Variants in CAPZB observed in about 807,000 individuals in gnomAD.
The protein encoded by CAPZB is F-actin-capping protein subunit beta.
A neutral mutation model predicts 38.1 loss-of-function variants in CAPZB; 2 were observed. The observed-to-expected ratio is 0.05, with a 90% confidence interval of 0.02 to 0.17. CAPZB has a LOEUF of 0.17. CAPZB is among the 10% of genes least tolerant of loss of function. CAPZB has a pLI of 1.00. For missense variants in CAPZB, 161 were observed against 334.2 expected (o/e 0.48, Z 4.04); for synonymous variants, 107 against 127.4 (o/e 0.84, Z 1.08).
chr1:19,412,467 C>A (rs1359618202), intron 2 of CAPZB, among the ~76,000 whole-genome samples: 2 of 152,020 alleles, frequency 1.3e-5, no homozygotes, highest in African/African-American at 4.8e-5. Flanking sequence ...TTTTTTCTTA[C>A]GAGATGGGGT....
intron 4 of CAPZB, among the ~76,000 whole-genome samples, chr1:19,361,178 A>C (rs1250353914): frequency 6.6e-6 from 1 of 152,182 alleles, no homozygotes; most frequent in Non-Finnish European, 1.5e-5. Flanking sequence ...TTTACCATCA[A>C]TCTGACTTTT....
intron 8 of CAPZB, chr1:19,342,689 G>T: frequency 1.0e-6 from 1 of 992,642 alleles, no homozygotes; most frequent in Non-Finnish European, 1.6e-6. Flanking sequence ...GACCGGCAGG[G>T]TCTCGGCGGG....
intron 1 of CAPZB, 161 bp from the exon 2 acceptor site, chr1:19,419,911 C>T (rs1325946886): frequency 1.0e-5 from 6 of 583,678 alleles, no homozygotes; most frequent in Admixed American, 6.1e-5. Context: ...GAGCGGGGGG[C>T]GACTGTGCAG....
At chr1:19,351,941 C>T (rs546619968) in intron 6 of CAPZB, among the ~76,000 whole-genome samples, 1 of 152,352 alleles carries the variant, frequency 6.6e-6, no homozygotes, top group Non-Finnish European at 1.5e-5. Context: ...CAGCCAGGCA[C>T]TGGTCACTCC....
At chr1:19,363,411 CTAATGTGTCAG>C (rs1414287821) in intron 4 of CAPZB, among the ~76,000 whole-genome samples, 1 of 152,010 alleles carries the variant, frequency 6.6e-6, no homozygotes. Context: ...AGCTAAAAGC[CTAATGTGTCAG>C]TAATTCTCTT....
intron 8 of CAPZB, among the ~76,000 whole-genome samples, chr1:19,340,403 C>T (rs959414021): frequency 1.3e-5 from 2 of 152,232 alleles, no homozygotes; most frequent in African/African-American, 2.4e-5. Flanking sequence ...TCAGGGCGAC[C>T]GCATTCACGT....
chr1:19,379,398 C>A (rs1444749627), intron 3 of CAPZB, among the ~76,000 whole-genome samples: 1 of 152,186 alleles, frequency 6.6e-6, no homozygotes, highest in African/African-American at 2.4e-5. Context: ...CGCGCCTGGC[C>A]ATGTGTTCAC....
At chr1:19,451,376 T>C (rs544118770) in intron 1 of CAPZB, among the ~76,000 whole-genome samples, 8 of 152,266 alleles carry the variant, frequency 5.3e-5, no homozygotes, top group African/African-American at 1.9e-4. Flanking sequence ...ACAGATGGCA[T>C]GCAAAAGGCC....
At chr1:19,449,151 G>A (rs2094506179) in intron 1 of CAPZB, 1 of 1,353,660 alleles carries the variant, frequency 7.4e-7, no homozygotes, top group Non-Finnish European at 9.5e-7. Context: ...GTCTCTGTAA[G>A]GCTGATAACG....
chr1:19,409,036 G>C (rs192392406), intron 2 of CAPZB, among the ~76,000 whole-genome samples: 4 of 152,274 alleles, frequency 2.6e-5, no homozygotes, highest in African/African-American at 9.6e-5. Flanking sequence ...GTCAAAAAAG[G>C]GTGTAGAATC....
At chr1:19,442,879 CAA>C (rs1191800323) in intron 1 of CAPZB, among the ~76,000 whole-genome samples, 1 of 152,136 alleles carries the variant, frequency 6.6e-6, no homozygotes, top group Non-Finnish European at 1.5e-5. Flanking sequence ...CCACGTTACA[CAA>C]ATACACCTCC....
intron 4 of CAPZB, among the ~76,000 whole-genome samples, chr1:19,367,773 C>T (rs1188749333): frequency 1.3e-5 from 2 of 152,190 alleles, no homozygotes; most frequent in African/African-American, 2.4e-5. Context: ...GTGGCTGCCG[C>T]GCTTTAGTGT....
At chr1:19,368,795 C>T (rs986939532) in intron 4 of CAPZB, among the ~76,000 whole-genome samples, 1 of 151,938 alleles carries the variant, frequency 6.6e-6, no homozygotes, top group Admixed American at 6.6e-5. Context: ...AGCCCCCAGA[C>T]ACTGAGATTA....
chr1:19,386,999 G>T (rs974922270), intron 2 of CAPZB, among the ~76,000 whole-genome samples: 15 of 152,106 alleles, frequency 9.9e-5, no homozygotes, highest in Non-Finnish European at 1.8e-4. Flanking sequence ...AATAAAAATG[G>T]GGGCTACTTT....
intron 1 of CAPZB, among the ~76,000 whole-genome samples, chr1:19,439,089 A>G (rs2094467514): frequency 6.6e-6 from 1 of 152,246 alleles, no homozygotes; most frequent in Non-Finnish European, 1.5e-5. Context: ...GGTATGAAGC[A>G]TGGTGGCACA....
chr1:19,360,355 G>A (rs145699026), intron 4 of CAPZB, among the ~76,000 whole-genome samples: 111 of 152,316 alleles, frequency 7.3e-4, no homozygotes, highest in Middle Eastern at 3.4e-3. Context: ...ACCCTACTTT[G>A]CTGGCAAAAA....
chr1:19,403,939 T>TA (rs2094316481), intron 2 of CAPZB, among the ~76,000 whole-genome samples: 2 of 152,072 alleles, frequency 1.3e-5, no homozygotes, highest in Non-Finnish European at 2.9e-5. Flanking sequence ...ATGCCCTACT[T>TA]AACGCCTGCA....
intron 3 of CAPZB, among the ~76,000 whole-genome samples, chr1:19,384,369 G>C (rs1293444053): frequency 6.6e-6 from 1 of 152,138 alleles, no homozygotes; most frequent in Non-Finnish European, 1.5e-5. Flanking sequence ...TCATCCTCCA[G>C]TTCCCACTTG....
At chr1:19,346,422 TTAAAA>T (rs1267394765) in intron 6 of CAPZB, among the ~76,000 whole-genome samples, 32 of 129,710 alleles carry the variant, frequency 2.5e-4, no homozygotes, top group African/African-American at 8.4e-4. Context: ...TGAAGCTTTA[TTAAAA>T]TAAAATAAAA....
Sources: allele counts gnomAD v4.1 joint callset (sites outside exome capture counted in the v4.1 genomes callset), GRCh38; gene constraint gnomAD v4.1.1; transcripts MANE v1.5; gene names NCBI Gene and HGNC (gene_info 2026-07-23, HGNC 2026-07-21).